ANKS1A: variants seen among roughly 807,000 people sequenced by gnomAD.
ANKS1A encodes the protein ankyrin repeat and SAM domain-containing protein 1A.
Under a neutral mutation model 120.3 loss-of-function variants are expected in ANKS1A, and 55 were observed. The observed-to-expected ratio is 0.46, with a 90% CI of 0.37 to 0.57. ANKS1A has a LOEUF of 0.57. ANKS1A is among the 20% of genes least tolerant of loss of function. The pLI is 0.00. For missense variants in ANKS1A, 1,123 were observed against 1,480.3 expected (o/e 0.76, Z 3.96); for synonymous variants, 590 against 604.7 (o/e 0.98, Z 0.36).
chr6:34,985,803 C>T (rs1772166963), intron 8 of ANKS1A, among the ~76,000 whole-genome samples: 1 of 152,134 alleles, frequency 6.6e-6, no homozygotes, highest in Non-Finnish European at 1.5e-5. Context: ...TGTGGCATTC[C>T]TATTTTATCT....
intron 1 of ANKS1A, among the ~76,000 whole-genome samples, chr6:34,904,973 G>T (rs1581671886): frequency 6.6e-6 from 1 of 152,122 alleles, no homozygotes; most frequent in Non-Finnish European, 1.5e-5. Flanking sequence ...ACCACGCTCA[G>T]CTAATTTTTG....
At chr6:35,091,863 C>T (rs1203789846), downstream of ANKS1A, among the ~76,000 whole-genome samples, 1 of 152,164 alleles carries the variant, frequency 6.6e-6, no homozygotes, top group African/African-American at 2.4e-5. Context: ...GCTACCAGCC[C>T]GAAGCCGTGC....
intron 1 of ANKS1A, among the ~76,000 whole-genome samples, chr6:34,931,287 T>C (rs1258795135): frequency 1.1e-4 from 17 of 152,028 alleles, no homozygotes; most frequent in African/African-American, 3.9e-4. Flanking sequence ...GCTGGAATTA[T>C]AGGCACTCAC....
At chr6:35,033,082 G>A (rs1774986524) in intron 11 of ANKS1A, among the ~76,000 whole-genome samples, 1 of 152,208 alleles carries the variant, frequency 6.6e-6, no homozygotes, top group African/African-American at 2.4e-5. Flanking sequence ...AATCCCCCTT[G>A]ATAATGTCAC....
rs370390122 is a variant in ANKS1A at position 34,999,894 on chromosome 6, GAGAGAC to G, written c.1423+5478_1423+5483del. On this transcript the variant is annotated intron_variant, in intron 10 of 23. Coordinates refer to ENST00000360359, the MANE Select transcript of ANKS1A (RefSeq NM_015245.3). ...AAAGAAGGAGTCAAGAAAAGAGAAA[GAGAGAC>G]AGAGAAAGAGAGAGGCAGAAAGAGG... 3.9e-3 allele frequency among the ~76,000 whole-genome samples: 600 copies of G among 152,136 alleles called. 1 individual carries two copies. The highest frequency in any genetic ancestry group is 0.018 in the South Asian group (87 of 4,814).
At chr6:35,007,694 C>T (rs1054262662) in intron 10 of ANKS1A, among the ~76,000 whole-genome samples, 3 of 152,192 alleles carry the variant, frequency 2.0e-5, no homozygotes, top group African/African-American at 7.2e-5. Context: ...TGAAGTGGTA[C>T]TTAACAGAGG....
Position 35,024,268 on chromosome 6 carries a change from A to G in ANKS1A, c.2010+6209A>G, listed in dbSNP as rs191555481. ...CACACACAGCACCAATTAACATCTG[A>G]GATAAATACCTTGTAGGAATAACAA... On this transcript the variant is annotated intron_variant, in intron 11 of 23. Transcript: ENST00000360359. Among the ~76,000 whole-genome samples, 1,277 of 152,336 alleles carry G rather than the reference A, an allele frequency of 8.4e-3. 8 individuals carry two copies. The highest frequency in any genetic ancestry group is 0.014 in the Middle Eastern group (4 of 294).
At chr6:35,071,933 C>T (rs1037995074) in intron 13 of ANKS1A, among the ~76,000 whole-genome samples, 16 of 152,248 alleles carry the variant, frequency 1.1e-4, no homozygotes, top group African/African-American at 3.9e-4. Context: ...CTGGGGCTGC[C>T]CTGCAACCCT....
In ANKS1A at chr6:35,079,448, C is replaced by A. The variant is rs959239802; in HGVS notation, c.2284-68C>A. The A allele has an allele frequency of 3.1e-6, 5 of 1,588,074 alleles. No homozygotes were observed. In the African/African-American group the frequency reaches 5.4e-5, roughly 17 times the overall value. On this transcript the variant is annotated intron_variant, in intron 14 of 23. Coordinates refer to ENST00000360359, the MANE Select transcript of ANKS1A (RefSeq NM_015245.3). ...CACAGTCTGTGTGAGCTGGCTGGGT[C>A]CATGGTCCTCGGGTCCCTCTCCTGT...
chr6:35,041,143 C>T (rs1775436033), intron 11 of ANKS1A, among the ~76,000 whole-genome samples: 2 of 152,226 alleles, frequency 1.3e-5, no homozygotes, highest in Admixed American at 1.3e-4. Context: ...CTTGGTCAAA[C>T]GTTAATAAAC....
In ANKS1A at chr6:34,972,735, G is replaced by C. The variant is rs1041880058; in HGVS notation, c.435+2569G>C. 4 of 610,918 alleles carry C rather than the reference G, an allele frequency of 6.5e-6. No homozygotes were observed. In the South Asian group the frequency reaches 2.9e-4, roughly 44 times the overall value. 37.8% of individuals were successfully genotyped at this position (610,918 alleles called of 1,614,324 possible). A position where few individuals can be genotyped will look rare whatever the true frequency, so the allele number is the denominator to read the frequency against. On this transcript the variant is annotated intron_variant, in intron 3 of 23. Coordinates refer to ENST00000360359, the MANE Select transcript of ANKS1A (RefSeq NM_015245.3). ...TCCGCTTCTACTCTTGTCCACTCAG[G>C]GTCCTCCTCATCATGCTGACTGTTG...
intron 10 of ANKS1A, among the ~76,000 whole-genome samples, chr6:35,000,839 T>G (rs150269880): frequency 3.9e-5 from 6 of 152,230 alleles, no homozygotes; most frequent in African/African-American, 1.2e-4. Context: ...TTAAAAAAAA[T>G]TATTGCTTTG....
At chr6:35,003,699 C>G (rs1241963759) in intron 10 of ANKS1A, among the ~76,000 whole-genome samples, 1 of 152,176 alleles carries the variant, frequency 6.6e-6, no homozygotes, top group African/African-American at 2.4e-5. Context: ...CTTAGTTCAC[C>G]AAAATGCTTC....
chr6:35,065,126 G>A (rs1776703790), intron 13 of ANKS1A, among the ~76,000 whole-genome samples: 1 of 152,114 alleles, frequency 6.6e-6, no homozygotes, highest in Admixed American at 6.5e-5. Context: ...GGTCTCGGGA[G>A]CCTGACCAAG....
chr6:34,953,267 T>G (rs1378541831), intron 1 of ANKS1A, among the ~76,000 whole-genome samples: 1 of 152,190 alleles, frequency 6.6e-6, no homozygotes, highest in Non-Finnish European at 1.5e-5. Context: ...TGAGATTGTT[T>G]TAATGAAGGC....
At chr6:35,056,908 C>T (rs569134184) in intron 12 of ANKS1A, among the ~76,000 whole-genome samples, 1 of 152,062 alleles carries the variant, frequency 6.6e-6, no homozygotes, top group South Asian at 2.1e-4. Flanking sequence ...CCCAGGATCT[C>T]AGGGAGTACT....
intron 13 of ANKS1A, among the ~76,000 whole-genome samples, chr6:35,062,075 T>G (rs1173418346): frequency 6.6e-6 from 1 of 152,260 alleles, no homozygotes; most frequent in African/African-American, 2.4e-5. Context: ...AGAGAGCAGC[T>G]GAGCAGGCCT....
At chr6:34,942,067 G>A (rs1215834587) in intron 1 of ANKS1A, among the ~76,000 whole-genome samples, 1 of 152,190 alleles carries the variant, frequency 6.6e-6, no homozygotes, top group African/African-American at 2.4e-5. Context: ...ATACTGAGGG[G>A]TTTGAAATGC....
chr6:34,973,846 CCCCTTCCCCTTGCCCTCCCCTT>C (rs1771307820), intron 3 of ANKS1A, among the ~76,000 whole-genome samples: 1 of 106,796 alleles, frequency 9.4e-6, no homozygotes. Context: ...CCCTTCCCTT[CCCCTTCCCCTTGCCCTCCCCTT>C]CCCTTCCCCT....
Sources: gnomAD v4.1 joint callset for allele counts (sites outside exome capture counted in the v4.1 genomes callset) on GRCh38, gnomAD v4.1.1 for gene constraint, MANE v1.5 for transcripts, NCBI Gene and HGNC (gene_info 2026-07-23, HGNC 2026-07-21) for gene names.